The following MACROD2 variants were observed in gnomAD, a reference collection of about 807,000 sequenced individuals.
MACROD2 encodes the protein ADP-ribose glycohydrolase MACROD2.
MACROD2 carries 36 observed loss-of-function variants against 70.4 expected under a neutral mutation model. The observed-to-expected ratio is 0.51, with a 90% CI of 0.39 to 0.68. The LOEUF is 0.68. Among genes scored for constraint, MACROD2 ranks in the 30% least tolerant of loss-of-function variants. The pLI, the probability that MACROD2 is intolerant of heterozygous loss-of-function variation, is 0.00. For synonymous variants in MACROD2, 172 were observed against 178.8 expected (o/e 0.96, Z 0.30); for missense variants, 496 against 538.4 (o/e 0.92, Z 0.78).
intron 3 of MACROD2, among the ~76,000 whole-genome samples, chr20:14,384,058 A>G (rs2122781242): frequency 6.6e-6 from 1 of 152,234 alleles, no homozygotes. Flanking sequence ...TAGTTTTCAT[A>G]TGCTTCTTGT....
intron 3 of MACROD2, among the ~76,000 whole-genome samples, chr20:14,250,216 T>C (rs925681015): frequency 6.6e-5 from 10 of 151,966 alleles, no homozygotes; most frequent in Non-Finnish European, 1.2e-4. Context: ...GTGGGCGCAG[T>C]TGAGAGGATG....
intron 5 of MACROD2, among the ~76,000 whole-genome samples, chr20:15,202,702 A>T (rs777107970): frequency 1.3e-5 from 2 of 152,196 alleles, no homozygotes; most frequent in Non-Finnish European, 2.9e-5. Context: ...AGAATTATGC[A>T]AATTACTGTG....
In MACROD2 at chr20:15,189,244, A is replaced by AT. The variant is rs760108211; in HGVS notation, c.419-40682dup. Reference sequence around the variant, plus strand: ...ATGAACAGGGCAGAAACCAGGACTTATTTTTTTTTTTTTTCCATGACCAAC... The same window carrying AT: ...ATGAACAGGGCAGAAACCAGGACTTATTTTTTTTTTTTTTTCCATGACCAAC... On this transcript the variant is annotated intron_variant, in intron 5 of 17. Coordinates refer to ENST00000684519, the MANE Select transcript of MACROD2 (RefSeq NM_001351661.2). Among the ~76,000 whole-genome samples the AT allele has an allele frequency of 5.9e-3, 835 of 141,252 alleles. 12 individuals carry two copies. In the East Asian group the frequency reaches 0.06, roughly 10 times the overall value. 92.7% of individuals were successfully genotyped at this position (141,252 alleles called of 152,430 possible).
chr20:14,711,588 T>C (rs1423909279), intron 5 of MACROD2, among the ~76,000 whole-genome samples: 1 of 152,156 alleles, frequency 6.6e-6, no homozygotes, highest in Non-Finnish European at 1.5e-5. Context: ...GGGGCTAATT[T>C]ATTTCCTTTA....
chr20:15,619,723 T>C (rs541460579), intron 8 of MACROD2: 48 of 217,108 alleles, frequency 2.2e-4, no homozygotes, highest in Non-Finnish European at 4.1e-4. Flanking sequence ...CTTGGATATT[T>C]GGCCTTTAGC....
chr20:14,330,767 C>G (rs935461642), intron 3 of MACROD2, among the ~76,000 whole-genome samples: 3 of 151,956 alleles, frequency 2.0e-5, no homozygotes, highest in Admixed American at 6.6e-5. Flanking sequence ...TACTGTGATG[C>G]CTTTAGGGCT....
intron 2 of MACROD2, among the ~76,000 whole-genome samples, chr20:14,049,184 A>AC (rs2053524840): frequency 1.0e-4 from 3 of 29,248 alleles, no homozygotes; most frequent in East Asian, 1.1e-3. Context: ...TAAAAAAAAA[A>AC]AAAAACAAAA....
chr20:15,894,872 G>A (rs900079805), intron 10 of MACROD2, among the ~76,000 whole-genome samples: 4 of 152,216 alleles, frequency 2.6e-5, no homozygotes, highest in African/African-American at 9.6e-5. Context: ...GTTAAGCTTT[G>A]TTACTGCCTG....
chr20:15,209,507 G>T (rs1462607500), intron 5 of MACROD2, among the ~76,000 whole-genome samples: 1 of 152,206 alleles, frequency 6.6e-6, no homozygotes, highest in East Asian at 1.9e-4. Context: ...TAAGCACTCA[G>T]TGAGGATCAT....
intron 6 of MACROD2, among the ~76,000 whole-genome samples, chr20:15,335,928 C>T (rs1388111715): frequency 6.6e-6 from 1 of 151,668 alleles, no homozygotes; most frequent in African/African-American, 2.4e-5. Flanking sequence ...TTTGCATTTC[C>T]TAGAACATGC....
intron 7 of MACROD2, among the ~76,000 whole-genome samples, chr20:15,491,428 A>G (rs1052154630): frequency 1.3e-5 from 2 of 152,100 alleles, no homozygotes; most frequent in African/African-American, 2.4e-5. Flanking sequence ...TGGTTTGACT[A>G]CCCCCAAAAA....
chr20:14,827,579 A>C (rs2072915973), intron 5 of MACROD2, among the ~76,000 whole-genome samples: 1 of 152,102 alleles, frequency 6.6e-6, no homozygotes, highest in South Asian at 2.1e-4. Context: ...AGTTATATAA[A>C]AGAAGTTTGA....
intron 10 of MACROD2, among the ~76,000 whole-genome samples, chr20:15,897,431 C>T (rs556123361): frequency 9.9e-5 from 15 of 152,180 alleles, no homozygotes; most frequent in Non-Finnish European, 1.8e-4. Context: ...TCTTGGATCT[C>T]GGAATGGGCA....
At chr20:15,484,866 C>T (rs555492285) in intron 7 of MACROD2, among the ~76,000 whole-genome samples, 4 of 152,208 alleles carry the variant, frequency 2.6e-5, no homozygotes, top group South Asian at 2.1e-4. Context: ...CTCGTTCCTG[C>T]GGAGGCTTCT....
At chr20:15,199,339 A>G (rs1411832494) in intron 5 of MACROD2, among the ~76,000 whole-genome samples, 1 of 152,176 alleles carries the variant, frequency 6.6e-6, no homozygotes, top group African/African-American at 2.4e-5. Flanking sequence ...CCTAGGCAAC[A>G]GAAAAAGATC....
chr20:16,051,202 A>C lies in MACROD2; in HGVS notation c.*1326A>C, dbSNP rs2067454320. ...ATATCGTTTGTTGCATATCTTCTTAAATCCATCTTCCTTGTAAGGGCTTTA... is the reference window on the plus strand; with the variant it reads ...ATATCGTTTGTTGCATATCTTCTTACATCCATCTTCCTTGTAAGGGCTTTA... On this transcript the variant is annotated 3_prime_UTR_variant, in exon 18 of 18. Transcript: ENST00000684519. 1 of 152,210 alleles carries C rather than the reference A, an allele frequency of 6.6e-6. No homozygotes were observed. The highest frequency in any genetic ancestry group is 6.5e-5 in the Admixed American group (1 of 15,272). 9.4% of individuals were successfully genotyped at this position (152,210 alleles called of 1,614,324 possible). A position where few individuals can be genotyped will look rare whatever the true frequency, so the allele number is the denominator to read the frequency against.
In MACROD2 at chr20:14,538,776, G is replaced by GC. The variant is rs1461837110; in HGVS notation, c.301+45274dup. On this transcript the variant is annotated intron_variant, in intron 4 of 17. Transcript: ENST00000684519. Reference sequence around the variant, plus strand: ...CTCCTCAGACAGGCTTCTGCTGACCGCCCCCCTCTCTTACTCTAGGCATCT... The same window carrying GC: ...CTCCTCAGACAGGCTTCTGCTGACCGCCCCCCCTCTCTTACTCTAGGCATCT... Among the ~76,000 whole-genome samples the GC allele has an allele frequency of 2.0e-5, 3 of 152,174 alleles. No individual in the cohort carries two copies. In the East Asian group the frequency reaches 5.8e-4, roughly 29 times the overall value.
chr20:15,883,466 A>G, intron 9 of MACROD2, among the ~76,000 whole-genome samples: 1 of 152,138 alleles, frequency 6.6e-6, no homozygotes, highest in Non-Finnish European at 1.5e-5. Flanking sequence ...GAAAATCATC[A>G]GTGTTTCTAA....
At chr20:16,005,193 G>C (rs896204273) in intron 15 of MACROD2, among the ~76,000 whole-genome samples, 2 of 152,126 alleles carry the variant, frequency 1.3e-5, no homozygotes, top group Non-Finnish European at 2.9e-5. Flanking sequence ...AGGATCGGGG[G>C]CATAACTCTT....
Sources: allele counts gnomAD v4.1 joint callset (sites outside exome capture counted in the v4.1 genomes callset), GRCh38; gene constraint gnomAD v4.1.1; transcripts MANE v1.5; gene names NCBI Gene and HGNC (gene_info 2026-07-23, HGNC 2026-07-21).